ANKRD6: variants seen among roughly 807,000 people sequenced by gnomAD.
ANKRD6 encodes ankyrin repeat domain-containing protein 6.
A neutral mutation model predicts 82.3 loss-of-function variants in ANKRD6; 56 were observed. The ratio of observed to expected loss-of-function variants is 0.68; its 90% CI spans 0.55 to 0.85. The LOEUF (loss-of-function observed/expected upper bound fraction) is 0.85. Among genes scored for constraint, ANKRD6 ranks in the 40% least tolerant of loss-of-function variants. The pLI, the probability that ANKRD6 is intolerant of heterozygous loss-of-function variation, is 0.00. For synonymous variants in ANKRD6, 347 were observed against 352.1 expected (o/e 0.99, Z 0.16); for missense variants, 852 against 907.6 (o/e 0.94, Z 0.79).
At chr6:89,538,954 A>G (rs914251448) in intron 1 of ANKRD6, among the ~76,000 whole-genome samples, 1 of 152,210 alleles carries the variant, frequency 6.6e-6, no homozygotes, top group Non-Finnish European at 1.5e-5. Flanking sequence ...GACATATTCC[A>G]TAATTTGATA....
intron 1 of ANKRD6, among the ~76,000 whole-genome samples, chr6:89,471,281 G>A (rs1380046002): frequency 6.6e-6 from 1 of 151,298 alleles, no homozygotes; most frequent in African/African-American, 2.4e-5. Flanking sequence ...GAACTTGGGA[G>A]GTGGAGGTTG....
At chr6:89,477,733 T>C (rs918206324) in intron 1 of ANKRD6, among the ~76,000 whole-genome samples, 1 of 140,786 alleles carries the variant, frequency 7.1e-6, no homozygotes. Flanking sequence ...ATTGTGCCAC[T>C]GCACTCCACC....
intron 2 of ANKRD6, among the ~76,000 whole-genome samples, chr6:89,588,623 A>G (rs777773083): frequency 1.3e-5 from 2 of 152,210 alleles, no homozygotes; most frequent in Non-Finnish European, 2.9e-5. Context: ...ATTCCTTTAT[A>G]CAACCTTTCC....
chr6:89,500,489 A>G (rs1007819459), intron 1 of ANKRD6, among the ~76,000 whole-genome samples: 19 of 152,214 alleles, frequency 1.2e-4, no homozygotes, highest in African/African-American at 3.6e-4. Context: ...TAATAATGTC[A>G]TATGATATAT....
At chr6:89,484,583 T>C (rs1777158578) in intron 1 of ANKRD6, among the ~76,000 whole-genome samples, 1 of 152,232 alleles carries the variant, frequency 6.6e-6, no homozygotes, top group Non-Finnish European at 1.5e-5. Context: ...TGTTTTCAGA[T>C]CTCTCTGTCT....
At chr6:89,613,984 G>T in intron 7 of ANKRD6, 94 bp downstream of exon 7, 4 of 1,286,416 alleles carry the variant, frequency 3.1e-6, no homozygotes, top group Non-Finnish European at 3.2e-6. Flanking sequence ...AGGCTGCTGG[G>T]AAGCTGCCAT....
At chr6:89,556,418 T>C (rs1404581488) in intron 1 of ANKRD6, among the ~76,000 whole-genome samples, 1 of 152,232 alleles carries the variant, frequency 6.6e-6, no homozygotes, top group Non-Finnish European at 1.5e-5. Context: ...TTATCTTTTA[T>C]TGAGGACCTG....
chr6:89,595,789 A>G lies in ANKRD6; in HGVS notation c.121-127A>G, dbSNP rs909039227. 8 of 692,058 alleles carry G rather than the reference A, an allele frequency of 1.2e-5. No homozygotes were observed. In the East Asian group the frequency reaches 1.4e-4, roughly 12 times the overall value. 42.9% of individuals were successfully genotyped at this position (692,058 alleles called of 1,614,324 possible). A position where few individuals can be genotyped will look rare whatever the true frequency, so the allele number is the denominator to read the frequency against. On this transcript the variant is annotated intron_variant, in intron 2 of 15. Coordinates refer to ENST00000339746, the MANE Select transcript of ANKRD6 (RefSeq NM_001242809.2). ...GTTAACCCATAAGAATCTCCTGCCA[A>G]TCCAAAGGGGCAGGAGGGAGTGATC... is the stretch of plus-strand genomic sequence containing the variant.
chr6:89,625,815 C>T (rs1022602762), intron 13 of ANKRD6, among the ~76,000 whole-genome samples: 19 of 151,526 alleles, frequency 1.3e-4, no homozygotes, highest in African/African-American at 4.6e-4. Flanking sequence ...CTCACTACAG[C>T]CTCTGCCTCC....
chr6:89,618,178 C>A (rs1802091791), intron 9 of ANKRD6, 147 bp downstream of exon 9: 1 of 878,622 alleles, frequency 1.1e-6, no homozygotes, highest in Non-Finnish European at 1.9e-6. Context: ...GCATGGGGGC[C>A]CAGGATGACG....
At chr6:89,531,854 A>G (rs1281836767) in intron 1 of ANKRD6, among the ~76,000 whole-genome samples, 1 of 152,252 alleles carries the variant, frequency 6.6e-6, no homozygotes, top group African/African-American at 2.4e-5. Flanking sequence ...GGCTCATGCC[A>G]TATGGAGACT....
intron 1 of ANKRD6, among the ~76,000 whole-genome samples, chr6:89,546,273 C>G (rs927458412): frequency 4.4e-4 from 67 of 152,206 alleles, no homozygotes; most frequent in Middle Eastern, 6.8e-3. Context: ...TGTTAACCAT[C>G]TGGTTTATAA....
intron 1 of ANKRD6, among the ~76,000 whole-genome samples, chr6:89,439,563 T>C (rs1771096755): frequency 2.0e-5 from 3 of 152,222 alleles, no homozygotes; most frequent in Non-Finnish European, 2.9e-5. Flanking sequence ...GTTAGAGTCA[T>C]GGAGAAACTT....
intron 1 of ANKRD6, among the ~76,000 whole-genome samples, chr6:89,533,641 C>T (rs561659159): frequency 6.6e-6 from 1 of 152,312 alleles, no homozygotes; most frequent in East Asian, 1.9e-4. Context: ...ATGCTGCTCT[C>T]TGCTTACTGA....
intron 1 of ANKRD6, among the ~76,000 whole-genome samples, chr6:89,518,639 C>CAA (rs371748442): frequency 7.0e-6 from 1 of 142,610 alleles, no homozygotes; most frequent in African/African-American, 2.6e-5. Flanking sequence ...TCATATGATG[C>CAA]AAAAAAAAAA....
intron 1 of ANKRD6, among the ~76,000 whole-genome samples, chr6:89,442,636 C>CAAAAAA (rs59245345): frequency 2.1e-5 from 2 of 97,470 alleles, no homozygotes; most frequent in East Asian, 3.1e-4. Context: ...AACCCTGTCT[C>CAAAAAA]AAAAAAAAAA....
chr6:89,540,894 A>C (rs1267138442), intron 1 of ANKRD6, among the ~76,000 whole-genome samples: 1 of 152,108 alleles, frequency 6.6e-6, no homozygotes, highest in Non-Finnish European at 1.5e-5. Flanking sequence ...TCTTTCCCCC[A>C]GTATATGTTT....
chr6:89,619,982 G>C (rs1270971066), intron 9 of ANKRD6: 1 of 152,292 alleles, frequency 6.6e-6, no homozygotes, highest in Admixed American at 6.5e-5. Context: ...CTCCTGAGTA[G>C]CTGGGATTAC....
intron 2 of ANKRD6, among the ~76,000 whole-genome samples, chr6:89,574,566 G>A (rs1342886256): frequency 6.6e-6 from 1 of 152,156 alleles, no homozygotes; most frequent in African/African-American, 2.4e-5. Context: ...CCGAATGAGG[G>A]GAATAATGTT....
Sources: gnomAD v4.1 joint callset for allele counts (sites outside exome capture counted in the v4.1 genomes callset) on GRCh38, gnomAD v4.1.1 for gene constraint, MANE v1.5 for transcripts, NCBI Gene and HGNC (gene_info 2026-07-23, HGNC 2026-07-21) for gene names.